Variants in PUDP observed in about 807,000 individuals in gnomAD.
PUDP encodes pseudouridine 5'-phosphatase.
A neutral mutation model predicts 9.4 loss-of-function variants in PUDP; 8 were observed. The observed-to-expected ratio is 0.85, with a 90% CI of 0.50 to 1.53. The LOEUF (loss-of-function observed/expected upper bound fraction) is 1.53. Among genes scored for constraint, PUDP ranks in the 40% most tolerant of loss-of-function variants. The pLI is 0.00. For missense variants in PUDP, 188 were observed against 189.7 expected (o/e 0.99, Z 0.05); for synonymous variants, 99 against 80.7 (o/e 1.23, Z -1.22).
chrX:6,773,225 C>A (rs1925396457), intron 3 of PUDP, among the ~76,000 whole-genome samples: 1 of 111,902 alleles, frequency 8.9e-6, no homozygotes. Context: ...ACTTCAAAAT[C>A]TTTTTGGTCT....
At position 6,918,641 on chromosome X, in the gene PUDP, G is replaced by A. The variant is rs745819796; in HGVS notation, c.*247+58492C>T. Among the ~76,000 whole-genome samples the A allele has an allele frequency of 1.7e-3, 191 of 111,869 alleles. 2 individuals carry two copies. Among genetic ancestry groups the A allele is most frequent in the African/African-American group, 5.7e-3 (176 of 30,843 alleles). ...CTAGGAAGTCCAAGATCAAAGTGCT[G>A]GCAGATTCAGTGTCTAGTGAGGTCT... On this transcript the variant is annotated intron_variant and NMD_transcript_variant, in intron 3 of 3. Transcript: ENST00000655425.
chrX:6,958,132 C>T (rs1215976351), intron 3 of PUDP, among the ~76,000 whole-genome samples: 4 of 112,326 alleles, frequency 3.6e-5, no homozygotes, highest in Non-Finnish European at 7.5e-5. Context: ...CGCGTCCACC[C>T]TACTGCTGTG....
chrX:7,022,273 C>T (rs1225313170), intron 1 of PUDP, among the ~76,000 whole-genome samples: 4 of 111,702 alleles, frequency 3.6e-5, no homozygotes, highest in Non-Finnish European at 5.6e-5. Context: ...TTGAGATGTC[C>T]GAGCTTACCA....
chrX:7,061,854 C>T (rs1292734866), intron 3 of PUDP, among the ~76,000 whole-genome samples: 1 of 111,524 alleles, frequency 9.0e-6, no homozygotes, highest in Non-Finnish European at 1.9e-5. Flanking sequence ...CATGCTCCGT[C>T]GCTATCAGCT....
chrX:6,998,875 G>A (rs1312831479), intron 1 of PUDP, among the ~76,000 whole-genome samples: 2 of 111,122 alleles, frequency 1.8e-5, no homozygotes, highest in Admixed American at 9.6e-5. Flanking sequence ...TGACTACTAC[G>A]GCAAAGAACC....
intron 1 of PUDP, among the ~76,000 whole-genome samples, chrX:7,015,933 C>A (rs771175646): frequency 1.2e-4 from 13 of 110,299 alleles, no homozygotes; most frequent in East Asian, 2.9e-4. Context: ...AAATTAGAGT[C>A]CGATTTTTAG....
chrX:6,730,394 T>G (rs1324809174), intron 3 of PUDP, among the ~76,000 whole-genome samples: 1 of 112,468 alleles, frequency 8.9e-6, no homozygotes, highest in Non-Finnish European at 1.9e-5. Context: ...GCATGGATTT[T>G]CACACAAGAT....
chrX:6,733,402 G>A (rs1255829541), intron 3 of PUDP, among the ~76,000 whole-genome samples: 1 of 111,675 alleles, frequency 9.0e-6, no homozygotes, highest in Non-Finnish European at 1.9e-5. Context: ...TCACAGGGGT[G>A]AAGTAGAGGT....
intron 1 of PUDP, among the ~76,000 whole-genome samples, chrX:7,130,569 T>C (rs1348812630): frequency 9.0e-6 from 1 of 111,410 alleles, no homozygotes; most frequent in Admixed American, 9.6e-5. Context: ...ATCCCAGCAC[T>C]TTAGGAGGCC....
At chrX:6,721,096 A>C (rs1490103566) in intron 1 of PUDP, among the ~76,000 whole-genome samples, 1 of 112,226 alleles carries the variant, frequency 8.9e-6, no homozygotes, top group Non-Finnish European at 1.9e-5. Flanking sequence ...GAAAAGATGC[A>C]AATATCCCAT....
intron 3 of PUDP, among the ~76,000 whole-genome samples, chrX:6,729,298 C>T (rs1256650655): frequency 9.0e-6 from 1 of 111,711 alleles, no homozygotes; most frequent in African/African-American, 3.3e-5. Flanking sequence ...CCATTTGTCT[C>T]TTATCTACCC....
chrX:7,064,236 T>C (rs1388380256), intron 3 of PUDP, among the ~76,000 whole-genome samples: 1 of 111,652 alleles, frequency 9.0e-6, no homozygotes, highest in Non-Finnish European at 1.9e-5. Flanking sequence ...GGGTCACTTA[T>C]GGGACAAGTA....
intron 3 of PUDP, among the ~76,000 whole-genome samples, chrX:7,059,016 T>G (rs57887844): frequency 0.33 from 36,302 of 110,582 alleles, 4,552 homozygotes; most frequent in Middle Eastern, 0.48. Flanking sequence ...TATAAAACCA[T>G]TATTGATATA....
chrX:6,748,999 A>G lies in PUDP; in HGVS notation c.*248-42533T>C, dbSNP rs1434801046. Among the ~76,000 whole-genome samples the G allele has an allele frequency of 2.7e-5, 3 of 111,611 alleles. No homozygotes were observed. The Admixed American group carries it at 2.9e-4, about 11-fold the overall frequency. Reference sequence around the variant, plus strand: ...GGGACCATCATGTGGATGAGATAGAATTTACAGAGCAGAGAGGGAGATTCT... The same window carrying G: ...GGGACCATCATGTGGATGAGATAGAGTTTACAGAGCAGAGAGGGAGATTCT... On this transcript the variant is annotated intron_variant and NMD_transcript_variant, in intron 3 of 3. Coordinates refer to the PUDP transcript ENST00000655425.
rs1389213270 is a variant in PUDP at position 6,908,478 on chromosome X, A to G, written c.*247+68655T>C. 2.7e-5 allele frequency among the ~76,000 whole-genome samples: 3 copies of G among 112,224 alleles called. No individual in the cohort carries two copies. The Admixed American group carries it at 2.8e-4, about 11-fold the overall frequency. On this transcript the variant is annotated intron_variant and NMD_transcript_variant, in intron 3 of 3. Transcript: ENST00000655425. ...TACAGGGAAGGGGTGAGAATTAAAA[A>G]GCAGTCAATGGACAAACAGCATAGG...
intron 1 of PUDP, among the ~76,000 whole-genome samples, chrX:6,980,457 G>A (rs1476268323): frequency 3.6e-5 from 4 of 110,622 alleles, no homozygotes; most frequent in Non-Finnish European, 7.6e-5. Context: ...AGATGCTCTC[G>A]CCTTAGCCTC....
chrX:6,898,626 A>G (rs181173982), intron 3 of PUDP, among the ~76,000 whole-genome samples: 1 of 112,283 alleles, frequency 8.9e-6, no homozygotes, highest in Admixed American at 9.4e-5. Context: ...GTCTGTGTCA[A>G]AGTATTCCAC....
At chrX:6,802,356 A>G (rs1925947535) in intron 3 of PUDP, among the ~76,000 whole-genome samples, 1 of 111,638 alleles carries the variant, frequency 9.0e-6, no homozygotes, top group African/African-American at 3.3e-5. Flanking sequence ...CCTCCTCTGT[A>G]ACATGAGCAT....
intron 3 of PUDP, among the ~76,000 whole-genome samples, chrX:6,884,043 T>C (rs1312647993): frequency 9.0e-6 from 1 of 111,434 alleles, no homozygotes; most frequent in Non-Finnish European, 1.9e-5. Context: ...GGTTTCACCA[T>C]GTTAGCCAGG....
Sources: gnomAD v4.1 joint callset for allele counts (sites outside exome capture counted in the v4.1 genomes callset) on GRCh38, gnomAD v4.1.1 for gene constraint, MANE v1.5 for transcripts, NCBI Gene and HGNC (gene_info 2026-07-23, HGNC 2026-07-21) for gene names.